Variants in GSAP observed in about 807,000 individuals in gnomAD.
GSAP encodes gamma-secretase activating protein.
A neutral mutation model predicts 131.7 loss-of-function variants in GSAP; 118 were observed. The observed-to-expected ratio is 0.90, with a 90% CI of 0.77 to 1.04. GSAP has a LOEUF of 1.04. Ranked by LOEUF, GSAP falls within the 50% of genes least tolerant of loss-of-function variation. The pLI is 0.00. For synonymous variants in GSAP, 381 were observed against 363.4 expected, an observed-to-expected ratio of 1.05 and a Z score of -0.55; for missense variants, 1,019 against 1,013.2, an observed-to-expected ratio of 1.01 and a Z score of -0.08.
intron 26 of GSAP, among the ~76,000 whole-genome samples, chr7:77,319,894 A>G (rs922979659): frequency 6.6e-6 from 1 of 152,208 alleles, no homozygotes; most frequent in African/African-American, 2.4e-5. Flanking sequence ...GGGATAAGTA[A>G]TTGCTGTTCA....
intron 5 of GSAP, among the ~76,000 whole-genome samples, chr7:77,396,723 T>C (rs2286158): frequency 0.44 from 67,592 of 151,934 alleles, 16,397 homozygotes; most frequent in Middle Eastern, 0.54. Flanking sequence ...TACTTCAGCA[T>C]TTATTTAGCC....
intron 5 of GSAP, among the ~76,000 whole-genome samples, chr7:77,388,002 G>T (rs1490859119): frequency 6.6e-6 from 1 of 152,138 alleles, no homozygotes; most frequent in Non-Finnish European, 1.5e-5. Flanking sequence ...TCTATGATTT[G>T]CAAAAGCAGA....
chr7:77,404,478 G>C lies in GSAP; in HGVS notation c.243+81C>G, dbSNP rs114216073. ...TACAGAAAAAGAGAAAATAAAGTTGGAATTTATATCTAGAAAAAGGAGGAG... is the reference window on the plus strand; with the variant it reads ...TACAGAAAAAGAGAAAATAAAGTTGCAATTTATATCTAGAAAAAGGAGGAG... On this transcript the variant is annotated intron_variant, in intron 3 of 30. Transcript: ENST00000257626. 7,371 of 751,506 alleles carry C rather than the reference G, an allele frequency of 9.8e-3. 408 individuals carry two copies. The African/African-American group carries it at 0.12, about 12-fold the overall frequency. The allele number at this position is 751,506 out of a possible 1,614,324, so 46.6% of individuals were successfully genotyped here.
In GSAP at chr7:77,374,188, G is replaced by C. The variant is rs775745617; in HGVS notation, c.786-33C>G. Reference sequence around the variant, plus strand: ...CATAAAGAATGAGAAATTATTGAATGCATTTAAAAATACATCCCTTCATAA... The same window carrying C: ...CATAAAGAATGAGAAATTATTGAATCCATTTAAAAATACATCCCTTCATAA... On this transcript the variant is annotated intron_variant, in intron 11 of 30. Transcript: ENST00000257626. The C allele has an allele frequency of 6.3e-6, 7 of 1,117,126 alleles. No homozygotes were observed. In the South Asian group the frequency reaches 9.3e-5, roughly 15 times the overall value. The allele number at this position is 1,117,126 out of a possible 1,614,324, so 69.2% of individuals were successfully genotyped here.
chr7:77,351,362 C>G (rs1792842753), intron 18 of GSAP: 1 of 956,940 alleles, frequency 1.0e-6, no homozygotes, highest in Non-Finnish European at 1.2e-6. Context: ...AAATCCAAGT[C>G]AGTTGTCTCC....
chr7:77,414,680 G>C (rs1227534717), intron 1 of GSAP, among the ~76,000 whole-genome samples: 1 of 152,090 alleles, frequency 6.6e-6, no homozygotes, highest in Non-Finnish European at 1.5e-5. Context: ...GGAAACATAA[G>C]ACTGTGGCAT....
chr7:77,352,005 T>C (rs994241311), intron 18 of GSAP, among the ~76,000 whole-genome samples: 21 of 152,172 alleles, frequency 1.4e-4, no homozygotes, highest in African/African-American at 5.1e-4. Flanking sequence ...TTTCTTTCCC[T>C]TAAATTCTAA....
intron 12 of GSAP, among the ~76,000 whole-genome samples, chr7:77,370,430 C>T (rs1428158326): frequency 6.6e-6 from 1 of 152,102 alleles, no homozygotes; most frequent in Non-Finnish European, 1.5e-5. Context: ...CATTGCACTC[C>T]AACCTAGGCA....
At chr7:77,389,356 G>T (rs374151035) in intron 5 of GSAP, among the ~76,000 whole-genome samples, 2 of 149,518 alleles carry the variant, frequency 1.3e-5, no homozygotes, top group African/African-American at 2.5e-5. Flanking sequence ...GGTTAACATA[G>T]TGAAATGCCG....
At chr7:77,375,803 CA>C (rs1204301777) in intron 10 of GSAP, among the ~76,000 whole-genome samples, 1 of 150,918 alleles carries the variant, frequency 6.6e-6, no homozygotes, top group African/African-American at 2.4e-5. Context: ...GAGATCATGC[CA>C]CTGCACTCCA....
At chr7:77,368,493 T>C (rs998636099) in intron 12 of GSAP, among the ~76,000 whole-genome samples, 2 of 152,208 alleles carry the variant, frequency 1.3e-5, no homozygotes, top group African/African-American at 4.8e-5. Context: ...TTAAACTTAC[T>C]TGGGATCACA....
intron 26 of GSAP, among the ~76,000 whole-genome samples, chr7:77,317,305 A>G (rs765251106): frequency 6.9e-6 from 1 of 145,890 alleles, no homozygotes; most frequent in Non-Finnish European, 1.5e-5. Context: ...ATTCTCACTC[A>G]TAGGTGGGAA....
chr7:77,339,615 A>C (rs1366474991), intron 19 of GSAP, among the ~76,000 whole-genome samples: 1 of 152,196 alleles, frequency 6.6e-6, no homozygotes, highest in Non-Finnish European at 1.5e-5. Context: ...CTGCAGAGCC[A>C]AATACAAAAG....
In GSAP at chr7:77,353,594, G is replaced by T; in HGVS notation, c.1386C>A (p.Asp462Glu). ...SENVSACHSFDLIQEFIIASS... is the reference protein window; with the variant it reads ...SENVSACHSFELIQEFIIASS... ...TACCAATTATAAATTCCTGAATGAG[G>T]TCAAATGAATGGCAGGCAGAGACAT... Residue 462 changes from aspartate (D) to glutamate (E), a missense_variant, in exon 17 of 31, where the codon GAC becomes GAA. Transcript: ENST00000257626. 6.2e-7 allele frequency: 1 copy of T among 1,610,056 alleles called. No homozygotes were observed. The highest frequency in any genetic ancestry group is 8.5e-7 in the Non-Finnish European group (1 of 1,176,986).
intron 8 of GSAP, 44 bp from the exon 9 acceptor site, chr7:77,377,434 T>G (rs1259653979): frequency 3.3e-6 from 5 of 1,500,410 alleles, no homozygotes; most frequent in African/African-American, 1.4e-5. Context: ...TATGAATAAC[T>G]TTTAAAGGAG....
chr7:77,312,234 T>TAC, intron 28 of GSAP, 32 bp from the exon 29 acceptor site: 1 of 1,004,498 alleles, frequency 1.0e-6, no homozygotes, highest in Non-Finnish European at 1.5e-6. Context: ...ATGTAGCGAA[T>TAC]ACCACACACT....
intron 1 of GSAP, among the ~76,000 whole-genome samples, chr7:77,409,269 C>T (rs1346872928): frequency 3.3e-5 from 5 of 152,088 alleles, no homozygotes; most frequent in Non-Finnish European, 5.9e-5. Flanking sequence ...ATGGCTTGAG[C>T]TCAGGAGTTC....
intron 6 of GSAP, among the ~76,000 whole-genome samples, chr7:77,386,216 A>G (rs1288173189): frequency 6.6e-6 from 1 of 152,202 alleles, no homozygotes; most frequent in African/African-American, 2.4e-5. Context: ...TTTTTAAAAG[A>G]AGACTTATCT....
At chr7:77,346,267 T>A (rs1440021004) in intron 19 of GSAP, among the ~76,000 whole-genome samples, 1 of 58,208 alleles carries the variant, frequency 1.7e-5, no homozygotes, top group Admixed American at 2.4e-4. Context: ...TGAGACTCCA[T>A]CTCAAAAAAA....
Sources: allele counts gnomAD v4.1 joint callset (sites outside exome capture counted in the v4.1 genomes callset), GRCh38; gene constraint gnomAD v4.1.1; transcripts MANE v1.5; gene names NCBI Gene and HGNC (gene_info 2026-07-23, HGNC 2026-07-21).